ACSM3: variants seen among roughly 807,000 people sequenced by gnomAD.
ACSM3 encodes acyl-coenzyme A synthetase ACSM3, mitochondrial.
Under a neutral mutation model 74.1 loss-of-function variants are expected in ACSM3, and 61 were observed. The ratio of observed to expected loss-of-function variants is 0.82; its 90% CI spans 0.67 to 1.02. The LOEUF is 1.02. Ranked by LOEUF, ACSM3 falls within the 50% of genes least tolerant of loss-of-function variation. The pLI, the probability that ACSM3 is intolerant of heterozygous loss-of-function variation, is 0.00. For missense variants in ACSM3, 660 were observed against 697.0 expected (o/e 0.95, Z 0.60); for synonymous variants, 213 against 241.5 (o/e 0.88, Z 1.09).
intron 1 of ACSM3, among the ~76,000 whole-genome samples, chr16:20,710,583 G>C (rs1359813614): frequency 6.6e-6 from 1 of 151,992 alleles, no homozygotes; most frequent in Non-Finnish European, 1.5e-5. Flanking sequence ...GGGCTCAAGC[G>C]ACCCTCCCAT....
In ACSM3 at chr16:20,685,132, T is replaced by C. The variant is rs2079523278; in HGVS notation, c.-190+10310T>C. 3.2e-6 allele frequency: 5 copies of C among 1,574,636 alleles called. No homozygotes were observed. In the East Asian group the frequency reaches 1.1e-4, roughly 35 times the overall value. ...GGCTGGGTGCACAGCACCTAATATC[T>C]CAGGACCCATTGGTTCTAGAACAGC... On this transcript the variant is annotated intron_variant, in intron 1 of 3. Coordinates refer to the ACSM3 transcript ENST00000561584.
chr16:20,768,453 A>G (rs1205696885), intron 1 of ACSM3, among the ~76,000 whole-genome samples: 2 of 152,208 alleles, frequency 1.3e-5, no homozygotes, highest in Non-Finnish European at 2.9e-5. Flanking sequence ...GAGAATGTGC[A>G]TTTCTAACAA....
Position 20,776,177 on chromosome 16 carries a change from AT to A in ACSM3, c.430+129del. ...TTGTCAAAGAGTGCCTTTAAATTAT[AT>A]AAAAGTTAGGCCGTGGTAGGCTAAT... is the stretch of plus-strand genomic sequence containing the variant. On this transcript the variant is annotated intron_variant, in intron 3 of 13. Transcript: ENST00000289416. 4 of 1,039,136 alleles carry A rather than the reference AT, an allele frequency of 3.8e-6. No homozygotes were observed. In the South Asian group the frequency reaches 4.8e-5, roughly 12 times the overall value. 64.4% of individuals were successfully genotyped at this position (1,039,136 alleles called of 1,614,324 possible). A position where few individuals can be genotyped will look rare whatever the true frequency, so the allele number is the denominator to read the frequency against.
At chr16:20,677,113 A>G (rs2020333720) in intron 1 of ACSM3, among the ~76,000 whole-genome samples, 1 of 152,056 alleles carries the variant, frequency 6.6e-6, no homozygotes, top group African/African-American at 2.4e-5. Flanking sequence ...AAGGGCAGCA[A>G]GGTTCTGCTG....
At chr16:20,754,003 G>A (rs1374614483) in intron 2 of ACSM3, among the ~76,000 whole-genome samples, 2 of 152,206 alleles carry the variant, frequency 1.3e-5, no homozygotes, top group Non-Finnish European at 2.9e-5. Context: ...AAGGGAGAGG[G>A]AATGGTGTCA....
chr16:20,723,139 T>C (rs1165618831), intron 1 of ACSM3, among the ~76,000 whole-genome samples: 1 of 152,040 alleles, frequency 6.6e-6, no homozygotes, highest in Non-Finnish European at 1.5e-5. Flanking sequence ...CGGTGTTTGG[T>C]TTTTTGTCCT....
At chr16:20,699,917 C>T (rs938464041) in intron 1 of ACSM3, among the ~76,000 whole-genome samples, 2 of 152,164 alleles carry the variant, frequency 1.3e-5, no homozygotes, top group Non-Finnish European at 2.9e-5. Context: ...ATTTCCCAAC[C>T]TCTCTTAAAG....
intron 3 of ACSM3, among the ~76,000 whole-genome samples, chr16:20,758,350 G>C (rs2080048349): frequency 6.6e-6 from 1 of 152,104 alleles, no homozygotes; most frequent in South Asian, 2.1e-4. Flanking sequence ...ACTTCTTCCT[G>C]GTTTAGCCTT....
intron 7 of ACSM3, chr16:20,784,749 C>G (rs997243915): frequency 1.5e-4 from 36 of 243,840 alleles, no homozygotes; most frequent in Non-Finnish European, 2.7e-4. Context: ...TTGGGGTATT[C>G]TAGTATCATT....
At chr16:20,688,076 C>G (rs554781267) in intron 1 of ACSM3, among the ~76,000 whole-genome samples, 43 of 149,338 alleles carry the variant, frequency 2.9e-4, no homozygotes, top group Non-Finnish European at 5.6e-4. Context: ...CTAAGCAAAA[C>G]TCTGTCTCAA....
intron 4 of ACSM3, chr16:20,780,114 G>C (rs929360782): frequency 3.2e-5 from 5 of 157,700 alleles, no homozygotes; most frequent in African/African-American, 1.2e-4. Flanking sequence ...CTTAAGGCTT[G>C]CAGGCCGTAT....
At chr16:20,792,371 T>C (rs1434618987) in intron 12 of ACSM3, 36 bp downstream of exon 12, 1 of 1,611,298 alleles carries the variant, frequency 6.2e-7, no homozygotes, top group African/African-American at 1.3e-5. Context: ...TTATAATTTG[T>C]TGGCAATTTA....
intron 1 of ACSM3, among the ~76,000 whole-genome samples, chr16:20,698,345 A>G (rs962347449): frequency 2.6e-5 from 4 of 152,046 alleles, no homozygotes; most frequent in Non-Finnish European, 4.4e-5. Context: ...ACATCACCAT[A>G]GTCTCCCTTA....
Position 20,774,543 on chromosome 16 carries a change from A to G in ACSM3, c.220-1296A>G, listed in dbSNP as rs542401936. ...GGCATGAGCCACTGCGCCTGGCCCT[A>G]TCTATGTGTATCTTTACAGGTGAAG... On this transcript the variant is annotated intron_variant, in intron 2 of 13. Transcript: ENST00000289416. Among the ~76,000 whole-genome samples, 5 of 152,228 alleles carry G rather than the reference A, an allele frequency of 3.3e-5. No individual in the cohort carries two copies. In the South Asian group the frequency reaches 8.3e-4, roughly 25 times the overall value.
rs1315654780 is a variant in ACSM3 at position 20,685,673 on chromosome 16, AGCTGG to A, written c.-190+10854_-190+10858del. Among the ~76,000 whole-genome samples, 22 of 152,066 alleles carry A rather than the reference AGCTGG, an allele frequency of 1.4e-4. No individual in the cohort carries two copies. The East Asian group carries it at 2.1e-3, about 15-fold the overall frequency. On this transcript the variant is annotated intron_variant, in intron 1 of 3. Transcript: ENST00000561584. ...TGTCTCTACTAAAAATTTAAAAATTAGCTGGGCATGGTGGTGCATGCCTGTAATCT... is the reference window on the plus strand; with the variant it reads ...TGTCTCTACTAAAAATTTAAAAATTAGCATGGTGGTGCATGCCTGTAATCT...
rs188573250 is a variant in ACSM3, at chr16:20,769,867, C to T, written c.-51-117C>T. The stretch of plus-strand genomic sequence containing the variant: ...CACTGTGTTTGGAACACAGAGTGTA[C>T]GCAGCAAATGGTACTATCATGATGA... On this transcript the variant is annotated intron_variant, in intron 1 of 13. Coordinates refer to ENST00000289416, the MANE Select transcript of ACSM3 (RefSeq NM_005622.4). 1,787 of 624,624 alleles carry T rather than the reference C, an allele frequency of 2.9e-3. 3 individuals carry two copies. The highest frequency in any genetic ancestry group is 4.1e-3 in the Non-Finnish European group (1,438 of 354,158). 38.7% of individuals were successfully genotyped at this position (624,624 alleles called of 1,614,324 possible). A position where few individuals can be genotyped will look rare whatever the true frequency, so the allele number is the denominator to read the frequency against.
intron 1 of ACSM3, among the ~76,000 whole-genome samples, chr16:20,683,114 TTTTA>T (rs746013799): frequency 1.3e-5 from 2 of 151,652 alleles, no homozygotes; most frequent in Non-Finnish European, 2.9e-5. Context: ...TCTTTTTTTC[TTTTA>T]TTTATTTATT....
chr16:20,681,123 AC>A (rs1357093413), intron 1 of ACSM3: 1 of 152,250 alleles, frequency 6.6e-6, no homozygotes, highest in African/African-American at 2.4e-5. Flanking sequence ...TCATGGGGTT[AC>A]CACACCCCAA....
intron 1 of ACSM3, among the ~76,000 whole-genome samples, chr16:20,748,066 G>C (rs2152430807): frequency 6.6e-6 from 1 of 152,206 alleles, no homozygotes; most frequent in South Asian, 2.1e-4. Context: ...GAGCCCAGGA[G>C]GTCAAGGCTG....
Sources: gnomAD v4.1 joint callset for allele counts (sites outside exome capture counted in the v4.1 genomes callset) on GRCh38, gnomAD v4.1.1 for gene constraint, MANE v1.5 for transcripts, NCBI Gene and HGNC (gene_info 2026-07-23, HGNC 2026-07-21) for gene names.